Variants in KIAA1217 observed in about 807,000 individuals in gnomAD.
KIAA1217 encodes the protein KIAA1217, also known as sickle tail protein homolog.
KIAA1217 carries 88 observed loss-of-function variants against 163.9 expected under a neutral mutation model. The observed-to-expected ratio is 0.54, with a 90% CI of 0.45 to 0.64. The LOEUF (loss-of-function observed/expected upper bound fraction) is 0.64. Ranked by LOEUF, KIAA1217 falls within the 30% of genes least tolerant of loss-of-function variation. The pLI is 0.00. For missense variants in KIAA1217, 2,372 were observed against 2,475.0 expected, an observed-to-expected ratio of 0.96 and a Z score of 0.88; for synonymous variants, 903 against 923.1, an observed-to-expected ratio of 0.98 and a Z score of 0.39.
At chr10:23,850,313 C>G (rs1839248521) in intron 1 of KIAA1217, among the ~76,000 whole-genome samples, 11 of 152,150 alleles carry the variant, frequency 7.2e-5, no homozygotes, top group Admixed American at 7.2e-4. Flanking sequence ...ACCAGCTCCT[C>G]ACTTTCATGT....
chr10:24,159,181 C>A (rs2065008253), intron 2 of KIAA1217, among the ~76,000 whole-genome samples: 1 of 151,964 alleles, frequency 6.6e-6, no homozygotes, highest in Admixed American at 6.6e-5. Flanking sequence ...TTATAATTAG[C>A]AATTTGAATT....
intron 1 of KIAA1217, among the ~76,000 whole-genome samples, chr10:23,748,449 GAAGGAAGGAAGC>G (rs1468150335): frequency 1.6e-4 from 22 of 141,028 alleles, no homozygotes; most frequent in African/African-American, 6.3e-4. Context: ...TGGAAGGAAG[GAAGGAAGGAAGC>G]AAGGAAGGAA....
At chr10:24,449,507 CT>C in intron 5 of KIAA1217, 2 of 985,262 alleles carry the variant, frequency 2.0e-6, no homozygotes, top group Non-Finnish European at 2.4e-6. Flanking sequence ...GGAAAAATGC[CT>C]TCCTACTCAG....
At chr10:23,758,045 A>G (rs542909551) in intron 1 of KIAA1217, among the ~76,000 whole-genome samples, 1 of 152,220 alleles carries the variant, frequency 6.6e-6, no homozygotes, top group East Asian at 1.9e-4. Flanking sequence ...GATGCACAAA[A>G]TTTTTAAATT....
intron 1 of KIAA1217, among the ~76,000 whole-genome samples, chr10:23,701,571 T>TTATG (rs1836451737): frequency 6.6e-6 from 1 of 152,078 alleles, no homozygotes; most frequent in Non-Finnish European, 1.5e-5. Flanking sequence ...GCTGGAGGAG[T>TTATG]TATGAGGTCG....
At chr10:24,536,638 G>C (rs748025032) in intron 16 of KIAA1217, 136 bp from the exon 17 acceptor site, 13 of 780,396 alleles carry the variant, frequency 1.7e-5, no homozygotes, top group Non-Finnish European at 2.4e-5. Context: ...GGATTTCAGG[G>C]TGCTGCCTCC....
intron 2 of KIAA1217, among the ~76,000 whole-genome samples, chr10:24,362,209 A>G (rs1413297949): frequency 1.3e-5 from 2 of 152,114 alleles, no homozygotes; most frequent in African/African-American, 2.4e-5. Context: ...CCAGCAACCT[A>G]TTATGATCCA....
intron 2 of KIAA1217, among the ~76,000 whole-genome samples, chr10:24,071,733 A>G (rs1016391624): frequency 1.3e-5 from 2 of 152,180 alleles, no homozygotes; most frequent in Admixed American, 6.5e-5. Flanking sequence ...GATGAGAGAA[A>G]CATGAACTGT....
intron 1 of KIAA1217, among the ~76,000 whole-genome samples, chr10:23,701,526 T>G (rs1192801482): frequency 6.6e-6 from 1 of 152,202 alleles, no homozygotes; most frequent in Non-Finnish European, 1.5e-5. Flanking sequence ...AACATAGCTG[T>G]TCTCACTGAT....
intron 2 of KIAA1217, among the ~76,000 whole-genome samples, chr10:24,171,753 C>T (rs1246916615): frequency 6.6e-6 from 1 of 152,032 alleles, no homozygotes; most frequent in Non-Finnish European, 1.5e-5. Context: ...CACCATTGCA[C>T]TCCAGACTGG....
chr10:23,737,225 G>C (rs560832614), intron 1 of KIAA1217, among the ~76,000 whole-genome samples: 5 of 152,064 alleles, frequency 3.3e-5, no homozygotes, highest in African/African-American at 1.2e-4. Flanking sequence ...TTTTGAGACG[G>C]AGTCTCGCTC....
chr10:23,973,645 G>A (rs1035402630), intron 1 of KIAA1217, among the ~76,000 whole-genome samples: 1 of 152,182 alleles, frequency 6.6e-6, no homozygotes, highest in African/African-American at 2.4e-5. Context: ...TTATGTCATT[G>A]AATATACTTC....
chr10:23,762,044 A>G (rs1226988793), intron 1 of KIAA1217, among the ~76,000 whole-genome samples: 1 of 152,198 alleles, frequency 6.6e-6, no homozygotes, highest in Non-Finnish European at 1.5e-5. Flanking sequence ...CACTCCCAAG[A>G]CTAAACCAGG....
At chr10:23,934,521 A>G (rs1313393107) in intron 1 of KIAA1217, among the ~76,000 whole-genome samples, 1 of 137,436 alleles carries the variant, frequency 7.3e-6, no homozygotes, top group Admixed American at 7.4e-5. Context: ...TTTTTTTTAG[A>G]AGAAATAAAG....
intron 1 of KIAA1217, among the ~76,000 whole-genome samples, chr10:23,786,826 A>G (rs1835517112): frequency 6.6e-6 from 1 of 152,148 alleles, no homozygotes; most frequent in Non-Finnish European, 1.5e-5. Flanking sequence ...TGCTTGTGCT[A>G]CTCAGAAGTC....
At chr10:23,737,489 C>T (rs993793812) in intron 1 of KIAA1217, among the ~76,000 whole-genome samples, 13 of 152,032 alleles carry the variant, frequency 8.6e-5, no homozygotes, top group East Asian at 3.8e-4. Context: ...CACCCGCACC[C>T]GGCCACATTA....
rs571697267 is a variant in KIAA1217 at position 23,910,806 on chromosome 10, G to A, written c.-320-96419G>A. ...TAACACATAAACAAGCTGGCCAAGA[G>A]GGAAATCAAACCCCAGGGTCCACTC... On this transcript the variant is annotated intron_variant, in intron 1 of 18. Coordinates refer to the KIAA1217 transcript ENST00000376462. 4.6e-5 allele frequency among the ~76,000 whole-genome samples: 7 copies of A among 152,244 alleles called. No homozygotes were observed. In the South Asian group the frequency reaches 1.5e-3, roughly 32 times the overall value.
intron 2 of KIAA1217, among the ~76,000 whole-genome samples, chr10:24,165,453 G>A (rs900358289): frequency 6.6e-6 from 1 of 152,126 alleles, no homozygotes; most frequent in Non-Finnish European, 1.5e-5. Context: ...CACCCAGAGA[G>A]GATTCGCCTA....
At chr10:23,950,174 T>C (rs551705478) in intron 1 of KIAA1217, among the ~76,000 whole-genome samples, 12 of 152,212 alleles carry the variant, frequency 7.9e-5, no homozygotes, top group Non-Finnish European at 1.8e-4. Context: ...GATTTGTAGT[T>C]GTAATCATGG....
Sources: allele counts gnomAD v4.1 joint callset (sites outside exome capture counted in the v4.1 genomes callset), GRCh38; gene constraint gnomAD v4.1.1; transcripts MANE v1.5; gene names NCBI Gene and HGNC (gene_info 2026-07-23, HGNC 2026-07-21).